Variants in ATL3 observed in about 807,000 individuals in gnomAD.
ATL3 encodes the protein atlastin GTPase 3, also known as atlastin-3.
ATL3 carries 49 observed loss-of-function variants against 69.5 expected under a neutral mutation model. The observed-to-expected ratio is 0.71, with a 90% confidence interval of 0.56 to 0.89. The LOEUF is 0.89. ATL3 is among the 40% of genes least tolerant of loss of function. The pLI, the probability that ATL3 is intolerant of heterozygous loss-of-function variation, is 0.00. For missense variants in ATL3, 606 were observed against 645.7 expected, an observed-to-expected ratio of 0.94 and a Z score of 0.67; for synonymous variants, 214 against 224.1, an observed-to-expected ratio of 0.95 and a Z score of 0.40.
rs1015352670 is a variant in ATL3, at chr11:63,625,546, A to C, written c.*3773T>G. On this transcript the variant is annotated 3_prime_UTR_variant, in exon 13 of 13. Coordinates refer to ENST00000398868, the MANE Select transcript of ATL3 (RefSeq NM_015459.5). The stretch of plus-strand genomic sequence containing the variant: ...TGCTATAACTCATACATACATACAT[A>C]CTTATCCAAACTCACCCTATCCAAG... 1 of 152,210 alleles carries C rather than the reference A, an allele frequency of 6.6e-6. No individual in the cohort carries two copies. The highest frequency in any genetic ancestry group is 2.4e-5 in the African/African-American group (1 of 41,442). 9.4% of individuals were successfully genotyped at this position (152,210 alleles called of 1,614,324 possible).
chr11:63,671,763 G>A, upstream of ATL3: 5 of 1,191,248 alleles, frequency 4.2e-6, no homozygotes, highest in Non-Finnish European at 3.2e-6. Flanking sequence ...TCCGACGACT[G>A]AACTACAACT....
At position 63,625,591 on chromosome 11, in the gene ATL3, G is replaced by A. The variant is rs376721045; in HGVS notation, c.*3728C>T. On this transcript the variant is annotated 3_prime_UTR_variant, in exon 13 of 13. Coordinates refer to ENST00000398868, the MANE Select transcript of ATL3 (RefSeq NM_015459.5). ...TCCAAGGCACCATTTTACAAGCCAAGTAGAACACTGTGTGTGATCCACTAA... is the reference window on the plus strand; with the variant it reads ...TCCAAGGCACCATTTTACAAGCCAAATAGAACACTGTGTGTGATCCACTAA... 22 of 152,282 alleles carry A rather than the reference G, an allele frequency of 1.4e-4. No individual in the cohort carries two copies. In the East Asian group the frequency reaches 2.7e-3, roughly 19 times the overall value. The allele number at this position is 152,282 out of a possible 1,614,324, so 9.4% of individuals were successfully genotyped here.
At chr11:63,661,747 G>A (rs1461559784) in intron 1 of ATL3, among the ~76,000 whole-genome samples, 3 of 152,002 alleles carry the variant, frequency 2.0e-5, no homozygotes, top group African/African-American at 4.8e-5. Context: ...AAATTAGCCC[G>A]GTGTGGTGGC....
At chr11:63,665,896 AG>A (rs1192321922) in intron 1 of ATL3, among the ~76,000 whole-genome samples, 2 of 152,128 alleles carry the variant, frequency 1.3e-5, no homozygotes, top group African/African-American at 4.8e-5. Flanking sequence ...GTTCACTGAC[AG>A]TGATCCTTGG....
At chr11:63,644,468 T>C (rs1185325983) in intron 6 of ATL3, among the ~76,000 whole-genome samples, 3 of 151,384 alleles carry the variant, frequency 2.0e-5, no homozygotes, top group Admixed American at 1.3e-4. Flanking sequence ...TAGCTCACTG[T>C]AGCCTAGAAT....
intron 4 of ATL3, 87 bp downstream of exon 4, chr11:63,652,384 C>T: frequency 1.2e-6 from 1 of 817,278 alleles, no homozygotes; most frequent in East Asian, 2.8e-5. Flanking sequence ...CCTAGAAATT[C>T]TGTTAACAGA....
At chr11:63,640,205 G>A (rs1236422636) in intron 8 of ATL3, among the ~76,000 whole-genome samples, 2 of 152,178 alleles carry the variant, frequency 1.3e-5, no homozygotes, top group African/African-American at 4.8e-5. Flanking sequence ...GATTACAAGC[G>A]TGAGCTACCG....
At chr11:63,640,266 G>C (rs756300787) in intron 8 of ATL3, among the ~76,000 whole-genome samples, 3 of 151,986 alleles carry the variant, frequency 2.0e-5, no homozygotes, top group African/African-American at 4.8e-5. Context: ...ATTCCTTTCT[G>C]CAGATGTACC....
At chr11:63,629,815 G>A (rs951727652) in intron 12 of ATL3, among the ~76,000 whole-genome samples, 1 of 152,092 alleles carries the variant, frequency 6.6e-6, no homozygotes, top group African/African-American at 2.4e-5. Context: ...CTTGAGCCCA[G>A]GAGTTTTAAG....
chr11:63,643,722 T>A (rs1939775807), intron 7 of ATL3, among the ~76,000 whole-genome samples: 1 of 152,130 alleles, frequency 6.6e-6, no homozygotes, highest in Non-Finnish European at 1.5e-5. Context: ...TTAAAATGAG[T>A]ATTACACAAG....
chr11:63,633,602 T>C (rs1194045990), intron 10 of ATL3, among the ~76,000 whole-genome samples: 1 of 151,608 alleles, frequency 6.6e-6, no homozygotes, highest in Non-Finnish European at 1.5e-5. Context: ...CAAGCTGATG[T>C]TGAACTCCCA....
intron 1 of ATL3, among the ~76,000 whole-genome samples, chr11:63,665,455 C>G (rs1940547983): frequency 6.6e-6 from 1 of 152,084 alleles, no homozygotes; most frequent in Non-Finnish European, 1.5e-5. Flanking sequence ...CCTTACTCAT[C>G]TCTTCCTCTC....
chr11:63,662,114 G>A (rs1940440127), intron 1 of ATL3, among the ~76,000 whole-genome samples: 1 of 151,584 alleles, frequency 6.6e-6, no homozygotes, highest in Non-Finnish European at 1.5e-5. Flanking sequence ...TCCAGAGGCT[G>A]AGGCAGGAGA....
At position 63,629,072 on chromosome 11, in the gene ATL3, T is replaced by C. The variant is rs1008775326; in HGVS notation, c.*247A>G. 3 of 480,650 alleles carry C rather than the reference T, an allele frequency of 6.2e-6. No individual in the cohort carries two copies. Among genetic ancestry groups the C allele is most frequent in the East Asian group, 6.5e-5 (2 of 30,846 alleles). The allele number at this position is 480,650 out of a possible 1,614,324, so 29.8% of individuals were successfully genotyped here. A position where few individuals can be genotyped will look rare whatever the true frequency, so the allele number is the denominator to read the frequency against. ...CCATAAAGTGCACAAAGCAGAGTAA[T>C]ATGAAAATAGACACAGGCTTGCATC... On this transcript the variant is annotated 3_prime_UTR_variant, in exon 13 of 13. Coordinates refer to ENST00000398868, the MANE Select transcript of ATL3 (RefSeq NM_015459.5).
chr11:63,664,368 A>C (rs1029509606), intron 1 of ATL3, among the ~76,000 whole-genome samples: 49 of 151,828 alleles, frequency 3.2e-4, no homozygotes, highest in African/African-American at 1.1e-3. Context: ...GTGAAACCCC[A>C]TCTCTACCAA....
intron 1 of ATL3, among the ~76,000 whole-genome samples, chr11:63,668,904 G>GCAGCCAACTTCCTGGGCTCACTC (rs1272343676): frequency 6.9e-6 from 1 of 143,900 alleles, no homozygotes; most frequent in African/African-American, 2.6e-5. Context: ...AAGGCTCACT[G>GCAGCCAACTTCCTGGGCTCACTC]CAGCCAACTT....
At chr11:63,644,316 G>C (rs1236685427) in intron 6 of ATL3, 55 bp from the exon 7 acceptor site, 5 of 1,015,182 alleles carry the variant, frequency 4.9e-6, no homozygotes, top group East Asian at 2.7e-5. Flanking sequence ...ATTTTCAAGA[G>C]AACAACTGCA....
intron 3 of ATL3, among the ~76,000 whole-genome samples, chr11:63,655,518 GC>G (rs560424601): frequency 1.9e-4 from 28 of 149,918 alleles, no homozygotes; most frequent in Non-Finnish European, 3.8e-4. Flanking sequence ...TGCGATCTCG[GC>G]TCACTGCAAC....
chr11:63,654,429 A>G (rs1940177553), intron 3 of ATL3, among the ~76,000 whole-genome samples: 1 of 146,350 alleles, frequency 6.8e-6, no homozygotes, highest in Non-Finnish European at 1.5e-5. Context: ...ACGGAGTTTC[A>G]CTCTGTTGCC....
Sources: allele counts gnomAD v4.1 joint callset (sites outside exome capture counted in the v4.1 genomes callset), GRCh38; gene constraint gnomAD v4.1.1; transcripts MANE v1.5; gene names NCBI Gene and HGNC (gene_info 2026-07-23, HGNC 2026-07-21).